The following SPATA6 variants were observed in gnomAD, a reference collection of about 807,000 sequenced individuals.
SPATA6 encodes the protein spermatogenesis associated 6.
A neutral mutation model predicts 65.3 loss-of-function variants in SPATA6; 56 were observed. That is an observed-to-expected ratio of 0.86 (90% confidence interval 0.69 to 1.07). SPATA6 has a LOEUF of 1.07. Ranked by LOEUF, SPATA6 falls within the 50% of genes least tolerant of loss-of-function variation. SPATA6 has a pLI of 0.00. For synonymous variants in SPATA6, 199 were observed against 213.2 expected (o/e 0.93, Z 0.58); for missense variants, 590 against 594.8 (o/e 0.99, Z 0.08).
chr1:48,401,855 A>G (rs1651194813), intron 6 of SPATA6, among the ~76,000 whole-genome samples: 1 of 152,138 alleles, frequency 6.6e-6, no homozygotes, highest in East Asian at 1.9e-4. Flanking sequence ...TCTGTAATAC[A>G]ACCAAAGCTA....
chr1:48,275,184 G>A, the SPATA6 span, among the ~76,000 whole-genome samples: 7 of 152,260 alleles, frequency 4.6e-5, no homozygotes, highest in Non-Finnish European at 7.4e-5. Flanking sequence ...TTTGCACATT[G>A]ATTTTGTATC....
rs1266084364 is a variant in SPATA6 at position 48,461,787 on chromosome 1, G to A, written c.52-8656C>T. 6.6e-5 allele frequency among the ~76,000 whole-genome samples: 10 copies of A among 152,140 alleles called. No individual in the cohort carries two copies. The East Asian group carries it at 9.6e-4, about 15-fold the overall frequency. On this transcript the variant is annotated intron_variant, in intron 1 of 12. Transcript: ENST00000371847. The stretch of plus-strand genomic sequence containing the variant: ...CAACCATTGTGGATGTCAGTGTGGC[G>A]ATTCCTCAGGGATCTAGAACTAGAA...
chr1:48,326,015 G>A (rs1441186644), intron 11 of SPATA6: 1 of 180,912 alleles, frequency 5.5e-6, no homozygotes, highest in Non-Finnish European at 1.2e-5. Flanking sequence ...TTCTCAATTA[G>A]TTTGTCTCGT....
chr1:48,318,420 G>A (rs976405639), intron 11 of SPATA6, among the ~76,000 whole-genome samples: 1 of 152,106 alleles, frequency 6.6e-6, no homozygotes, highest in African/African-American at 2.4e-5. Flanking sequence ...AATAAGTTCA[G>A]CAAGATTTCA....
At chr1:48,407,643 A>C (rs537066026) in intron 5 of SPATA6, among the ~76,000 whole-genome samples, 26 of 152,298 alleles carry the variant, frequency 1.7e-4, no homozygotes, top group Non-Finnish European at 3.5e-4. Flanking sequence ...AGTTTTTCCC[A>C]AAGCTTTAGC....
intron 9 of SPATA6, among the ~76,000 whole-genome samples, chr1:48,369,715 C>A (rs1647171982): frequency 6.6e-6 from 1 of 152,214 alleles, no homozygotes; most frequent in Admixed American, 6.5e-5. Flanking sequence ...AACTCCCTGA[C>A]CCCTTGCACT....
intron 3 of SPATA6, among the ~76,000 whole-genome samples, chr1:48,435,431 C>A (rs1260962055): frequency 2.6e-5 from 4 of 151,310 alleles, no homozygotes; most frequent in African/African-American, 9.7e-5. Flanking sequence ...ACTCTAAAAT[C>A]GCACCAATCA....
At chr1:48,379,905 A>G (rs1257065707) in intron 9 of SPATA6, among the ~76,000 whole-genome samples, 1 of 152,242 alleles carries the variant, frequency 6.6e-6, no homozygotes, top group Non-Finnish European at 1.5e-5. Flanking sequence ...CGTGTATGAT[A>G]GCCTTAAAAA....
At chr1:48,451,656 C>A in intron 2 of SPATA6, 56 bp from the exon 3 acceptor site, 1 of 1,504,970 alleles carries the variant, frequency 6.6e-7, no homozygotes, top group South Asian at 1.3e-5. Flanking sequence ...TTTTTTTCTC[C>A]CTTCATCCCC....
chr1:48,400,787 T>C, intron 6 of SPATA6: 2 of 1,297,754 alleles, frequency 1.5e-6, no homozygotes, highest in Non-Finnish European at 2.0e-6. Flanking sequence ...TGCATCAGAT[T>C]ACTCCATCTT....
chr1:48,387,140 ACTC>A (rs1649559251), intron 8 of SPATA6, among the ~76,000 whole-genome samples: 1 of 151,886 alleles, frequency 6.6e-6, no homozygotes, highest in South Asian at 2.1e-4. Flanking sequence ...GTGCAGGGGA[ACTC>A]CTCTTTTTAA....
the SPATA6 span, among the ~76,000 whole-genome samples, chr1:48,289,695 T>C: frequency 1.3e-5 from 2 of 152,176 alleles, no homozygotes; most frequent in African/African-American, 4.8e-5. Context: ...AAGAACTACT[T>C]GATGCATGCA....
chr1:48,454,007 CTTT>C (rs1220446870), intron 1 of SPATA6, among the ~76,000 whole-genome samples: 1 of 137,446 alleles, frequency 7.3e-6, no homozygotes. Flanking sequence ...ATCATATATT[CTTT>C]TTTTTTTTTT....
intron 8 of SPATA6, among the ~76,000 whole-genome samples, 182 bp downstream of exon 8, chr1:48,395,085 A>C (rs1308955562): frequency 6.6e-6 from 1 of 151,974 alleles, no homozygotes; most frequent in Non-Finnish European, 1.5e-5. Context: ...AGAAATCCTA[A>C]TATCTTAGAG....
At chr1:48,422,690 G>T (rs1241862771) in intron 3 of SPATA6, among the ~76,000 whole-genome samples, 1 of 152,094 alleles carries the variant, frequency 6.6e-6, no homozygotes, top group Non-Finnish European at 1.5e-5. Context: ...TGGAGAAAGA[G>T]AACAAGATAC....
intron 9 of SPATA6, among the ~76,000 whole-genome samples, chr1:48,369,544 A>G (rs1428995296): frequency 6.6e-6 from 1 of 152,160 alleles, no homozygotes; most frequent in African/African-American, 2.4e-5. Flanking sequence ...TGTGCTAGCA[A>G]TCAGCGAGAC....
intron 3 of SPATA6, among the ~76,000 whole-genome samples, chr1:48,428,193 G>A (rs1004650170): frequency 1.3e-5 from 2 of 152,148 alleles, no homozygotes; most frequent in African/African-American, 4.8e-5. Context: ...AGTGGCTTAT[G>A]CCTGTAATCC....
intron 5 of SPATA6, 30 bp downstream of exon 5, chr1:48,411,434 A>T: frequency 6.3e-7 from 1 of 1,591,368 alleles, no homozygotes; most frequent in East Asian, 2.3e-5. Context: ...TTTCCATCAA[A>T]AACTGATTCA....
chr1:48,412,645 G>C (rs1159668129), intron 4 of SPATA6, among the ~76,000 whole-genome samples: 2 of 152,062 alleles, frequency 1.3e-5, no homozygotes, highest in Non-Finnish European at 2.9e-5. Context: ...TTGAGACGGA[G>C]TCTCGCTCTG....
Sources: allele counts gnomAD v4.1 joint callset (sites outside exome capture counted in the v4.1 genomes callset), GRCh38; gene constraint gnomAD v4.1.1; transcripts MANE v1.5; gene names NCBI Gene and HGNC (gene_info 2026-07-23, HGNC 2026-07-21).